Variants in KLHL1 observed in about 807,000 individuals in gnomAD.
KLHL1 encodes kelch-like protein 1.
Under a neutral mutation model 77.7 loss-of-function variants are expected in KLHL1, and 47 were observed. The observed-to-expected ratio is 0.60, with a 90% CI of 0.48 to 0.77. KLHL1 has a LOEUF of 0.77. KLHL1 is among the 30% of genes least tolerant of loss of function. The pLI, the probability that KLHL1 is intolerant of heterozygous loss-of-function variation, is 0.00. For synonymous variants in KLHL1, 360 were observed against 325.2 expected, an observed-to-expected ratio of 1.11 and a Z score of -1.15; for missense variants, 925 against 910.8, an observed-to-expected ratio of 1.02 and a Z score of -0.20.
Position 70,107,777 on chromosome 13 carries a change from C to T in KLHL1, c.-78G>A, listed in dbSNP as rs757814028. The T allele has an allele frequency of 8.6e-7, 1 of 1,162,400 alleles. No individual in the cohort carries two copies. Among genetic ancestry groups the T allele is most frequent in the Non-Finnish European group, 1.2e-6 (1 of 849,804 alleles). 72.0% of individuals were successfully genotyped at this position (1,162,400 alleles called of 1,614,324 possible). A position where few individuals can be genotyped will look rare whatever the true frequency, so the allele number is the denominator to read the frequency against. ...CAGCAGGTGGGGGAGGACAGCGGGG[C>T]CCGGGGGCGGAGGAAGAGGCGGGAT... On this transcript the variant is annotated 5_prime_UTR_variant, in exon 1 of 11. Transcript: ENST00000377844.
At chr13:69,909,271 A>G (rs1882153125) in intron 4 of KLHL1, among the ~76,000 whole-genome samples, 1 of 151,948 alleles carries the variant, frequency 6.6e-6, no homozygotes. Flanking sequence ...AAGCTTGCAC[A>G]GAATAAGCAC....
At chr13:69,811,129 A>G (rs1467848592) in intron 6 of KLHL1, among the ~76,000 whole-genome samples, 4 of 152,028 alleles carry the variant, frequency 2.6e-5, no homozygotes, top group Admixed American at 1.3e-4. Context: ...TGGGAAACCC[A>G]TGTCATCCTG....
intron 7 of KLHL1, among the ~76,000 whole-genome samples, chr13:69,745,858 C>T (rs1274274937): frequency 2.0e-5 from 3 of 151,326 alleles, no homozygotes; most frequent in African/African-American, 7.3e-5. Flanking sequence ...TGAATTTTCC[C>T]CCAATATCCT....
intron 5 of KLHL1, among the ~76,000 whole-genome samples, chr13:69,863,516 T>G (rs2138157923): frequency 6.6e-6 from 1 of 152,180 alleles, no homozygotes; most frequent in African/African-American, 2.4e-5. Flanking sequence ...AAATTTTGCA[T>G]TTTTCATGAT....
intron 1 of KLHL1, among the ~76,000 whole-genome samples, chr13:70,065,130 A>T (rs937837469): frequency 6.6e-6 from 1 of 152,146 alleles, no homozygotes; most frequent in African/African-American, 2.4e-5. Flanking sequence ...AGGAACAGTG[A>T]TACTTGAATA....
intron 1 of KLHL1, among the ~76,000 whole-genome samples, chr13:70,033,591 T>A (rs1347857228): frequency 7.1e-6 from 1 of 140,866 alleles, no homozygotes; most frequent in East Asian, 2.1e-4. Context: ...CAGGTGTGAG[T>A]CACCGCAACT....
intron 9 of KLHL1, among the ~76,000 whole-genome samples, chr13:69,710,041 C>T (rs950228697): frequency 6.6e-6 from 1 of 151,556 alleles, no homozygotes; most frequent in African/African-American, 2.4e-5. Context: ...CAGACTTTAT[C>T]ATGTTGCAAA....
chr13:70,012,338 C>T (rs1237360397), intron 1 of KLHL1, among the ~76,000 whole-genome samples: 1 of 152,082 alleles, frequency 6.6e-6, no homozygotes, highest in Non-Finnish European at 1.5e-5. Flanking sequence ...AGGCTGGAAA[C>T]TAGAAATTGT....
At chr13:69,878,507 T>A (rs1213726161) in intron 5 of KLHL1, among the ~76,000 whole-genome samples, 3 of 152,122 alleles carry the variant, frequency 2.0e-5, no homozygotes, top group African/African-American at 7.2e-5. Context: ...AATCATCTCT[T>A]ACCTCACTGA....
intron 1 of KLHL1, among the ~76,000 whole-genome samples, chr13:70,079,084 A>G (rs1887331753): frequency 6.6e-6 from 1 of 152,206 alleles, no homozygotes; most frequent in African/African-American, 2.4e-5. Flanking sequence ...CAGAAATGCA[A>G]ACTAGACAAT....
chr13:69,886,394 TTTAA>T (rs887038229), intron 4 of KLHL1, among the ~76,000 whole-genome samples: 43 of 151,982 alleles, frequency 2.8e-4, no homozygotes, highest in African/African-American at 1.0e-3. Context: ...TTTTTGTTTG[TTTAA>T]TTATTTCCTG....
chr13:69,956,840 AT>A (rs1883904277), intron 3 of KLHL1, among the ~76,000 whole-genome samples: 1 of 151,670 alleles, frequency 6.6e-6, no homozygotes, highest in Non-Finnish European at 1.5e-5. Flanking sequence ...GAAATATGTA[AT>A]TTTCAAAAAA....
rs75763678 is a variant in KLHL1, at chr13:69,789,921, G to A, written c.1639+6817C>T. Among the ~76,000 whole-genome samples the A allele has an allele frequency of 2.9e-3, 447 of 152,114 alleles. 9 individuals carry two copies. The highest frequency in any genetic ancestry group is 0.024 in the East Asian group (125 of 5,144). On this transcript the variant is annotated intron_variant, in intron 7 of 10. Transcript: ENST00000377844. ...AATGTAACTTAGAGCTACCTAATAC[G>A]TCTAGAGTAGGTAGAGGCAGAGACG...
chr13:69,968,800 TC>T lies in KLHL1; in HGVS notation c.680+6819del, dbSNP rs574200613. Among the ~76,000 whole-genome samples the T allele has an allele frequency of 2.0e-3, 300 of 152,212 alleles. 1 individual carries two copies. The highest frequency in any genetic ancestry group is 0.01 in the Middle Eastern group (3 of 294). ...TCCATGGTGTATATGCGCCACATTT[TC>T]TTAATCGAGCCTATCATTGTTGGAC... is the stretch of plus-strand genomic sequence containing the variant. On this transcript the variant is annotated intron_variant, in intron 2 of 10. Transcript: ENST00000377844.
chr13:70,095,837 C>CA (rs1887776902), intron 1 of KLHL1, among the ~76,000 whole-genome samples: 1 of 151,952 alleles, frequency 6.6e-6, no homozygotes, highest in African/African-American at 2.4e-5. Flanking sequence ...CCACCCCCCC[C>CA]ACCACACTCG....
chr13:69,876,014 T>G (rs1036204963), intron 5 of KLHL1, among the ~76,000 whole-genome samples: 1 of 152,146 alleles, frequency 6.6e-6, no homozygotes, highest in Non-Finnish European at 1.5e-5. Flanking sequence ...TTAGTGGGCT[T>G]GATTAATTAT....
At chr13:69,862,580 T>G (rs761687230) in intron 5 of KLHL1, among the ~76,000 whole-genome samples, 27 of 152,174 alleles carry the variant, frequency 1.8e-4, no homozygotes, top group Non-Finnish European at 4.0e-4. Flanking sequence ...GAAAGTTTTA[T>G]ACCTGTTGCT....
At chr13:69,983,004 T>C (rs1402544307) in intron 1 of KLHL1, among the ~76,000 whole-genome samples, 2 of 152,124 alleles carry the variant, frequency 1.3e-5, no homozygotes, top group African/African-American at 4.8e-5. Flanking sequence ...ATAAATTCAG[T>C]AAAGTTTCAA....
At chr13:70,033,447 G>C (rs1376657397) in intron 1 of KLHL1, among the ~76,000 whole-genome samples, 1 of 151,116 alleles carries the variant, frequency 6.6e-6, no homozygotes, top group Non-Finnish European at 1.5e-5. Flanking sequence ...CCACCACCAC[G>C]CCTGGCTAAT....
Sources: allele counts gnomAD v4.1 joint callset (sites outside exome capture counted in the v4.1 genomes callset), GRCh38; gene constraint gnomAD v4.1.1; transcripts MANE v1.5; gene names NCBI Gene and HGNC (gene_info 2026-07-23, HGNC 2026-07-21).